The following DMD variants were observed in gnomAD, a reference collection of about 807,000 sequenced individuals.
DMD encodes the protein mutant dystrophin.
DMD carries 63 observed loss-of-function variants against 330.1 expected under a neutral mutation model. That is an observed-to-expected ratio of 0.19 (90% confidence interval 0.16 to 0.24). DMD has a LOEUF of 0.24. Ranked by LOEUF, DMD falls within the 10% of genes least tolerant of loss-of-function variation. The pLI, the probability that DMD is intolerant of heterozygous loss-of-function variation, is 1.00. For synonymous variants in DMD, 1,223 were observed against 959.8 expected, an observed-to-expected ratio of 1.27 and a Z score of -5.07; for missense variants, 3,344 against 2,684.1, an observed-to-expected ratio of 1.25 and a Z score of -5.43.
intron 50 of DMD, among the ~76,000 whole-genome samples, chrX:31,818,953 A>G (rs2092695258): frequency 9.0e-6 from 1 of 111,253 alleles, no homozygotes. Context: ...CTTGACATAA[A>G]ATAAAAATCA....
intron 44 of DMD, among the ~76,000 whole-genome samples, chrX:32,176,879 T>C (rs1439748726): frequency 9.0e-6 from 1 of 111,716 alleles, no homozygotes. Context: ...ACGTTTACTC[T>C]CTTTCTCTGC....
Position 32,287,535 on chromosome X carries a change from C to T in DMD, c.6284G>A (p.Arg2095Gln). 1 of 1,209,446 alleles carries T rather than the reference C, an allele frequency of 8.3e-7. No homozygotes were observed. ...AAATATATGTGTTACCTACCCTTGT[C>T]GGTCCTTGTACATTTTGTTAACTTT... ...WEKVNKMYKD[R>Q]QGRFDRSVEK... Residue 2095 changes from arginine (R) to glutamine (Q), a missense_variant, in exon 43 of 79, where the codon CGA becomes CAA. Coordinates refer to ENST00000357033, the MANE Select transcript of DMD (RefSeq NM_004006.3).
At chrX:33,235,645 A>T (rs909723450) in intron 1 of DMD, among the ~76,000 whole-genome samples, 3 of 110,691 alleles carry the variant, frequency 2.7e-5, no homozygotes, top group Non-Finnish European at 3.8e-5. Flanking sequence ...TAGATGTCAC[A>T]ATCGAGTCTC....
chrX:31,440,246 C>A lies in DMD; in HGVS notation c.9084+4235G>T, dbSNP rs1370919623. On this transcript the variant is annotated intron_variant, in intron 60 of 78. Coordinates refer to ENST00000357033, the MANE Select transcript of DMD (RefSeq NM_004006.3). Reference sequence around the variant, plus strand: ...TACTGCAACATCCGCCTCCCGGGTTCAAGCGATTCTCCTGCCTCAGCTTCC... The same window carrying A: ...TACTGCAACATCCGCCTCCCGGGTTAAAGCGATTCTCCTGCCTCAGCTTCC... Among the ~76,000 whole-genome samples the A allele has an allele frequency of 2.8e-5, 3 of 108,452 alleles. No individual in the cohort carries two copies. In the Admixed American group the frequency reaches 3.0e-4, roughly 11 times the overall value. 94.2% of individuals were successfully genotyped at this position (108,452 alleles called of 115,157 possible).
chrX:32,307,421 C>G (rs1336416797), intron 42 of DMD, among the ~76,000 whole-genome samples: 1 of 111,463 alleles, frequency 9.0e-6, no homozygotes, highest in East Asian at 2.8e-4. Flanking sequence ...ACTTTAACTA[C>G]CTGACACTCA....
intron 60 of DMD, among the ~76,000 whole-genome samples, chrX:31,413,851 T>A (rs1469804747): frequency 9.5e-6 from 1 of 105,054 alleles, no homozygotes; most frequent in Non-Finnish European, 1.9e-5. Flanking sequence ...AAAAGCCAGT[T>A]AAGTTGGCAA....
At chrX:32,820,311 G>A (rs189238467) in intron 5 of DMD, among the ~76,000 whole-genome samples, 1,122 of 110,914 alleles carry the variant, frequency 0.01, 6 homozygotes, top group Non-Finnish European at 0.013. Context: ...GCGTGGTGGC[G>A]GGCGCCTGTA....
intron 62 of DMD, among the ~76,000 whole-genome samples, chrX:31,297,189 G>A (rs1224101082): frequency 9.0e-6 from 1 of 111,020 alleles, no homozygotes; most frequent in Non-Finnish European, 1.9e-5. Context: ...ACCTGTATCA[G>A]TTTATACACC....
chrX:32,475,495 G>C (rs1248814112), intron 21 of DMD, among the ~76,000 whole-genome samples: 1 of 111,889 alleles, frequency 8.9e-6, no homozygotes, highest in African/African-American at 3.2e-5. Context: ...ACTATGGGAT[G>C]TGTTTTCATT....
intron 1 of DMD, among the ~76,000 whole-genome samples, chrX:33,150,475 G>A (rs149497272): frequency 5.5e-5 from 6 of 109,169 alleles, no homozygotes; most frequent in Admixed American, 1.0e-4. Context: ...TGTATGTTTA[G>A]TAGAGTTGGG....
rs1311941125 is a variant in DMD, at chrX:33,009,202, GTA to G, written c.93+10935_93+10936del. ...TATATACGTATATATGTATATATGTGTATATATACACATATGTGCATATATGT... is the reference window on the plus strand; with the variant it reads ...TATATACGTATATATGTATATATGTGTATATACACATATGTGCATATATGT... On this transcript the variant is annotated intron_variant, in intron 2 of 78. Coordinates refer to ENST00000357033, the MANE Select transcript of DMD (RefSeq NM_004006.3). 4.0e-5 allele frequency among the ~76,000 whole-genome samples: 2 copies of G among 50,593 alleles called. 1 individual carries two copies. Among genetic ancestry groups the G allele is most frequent in the African/African-American group, 1.6e-4 (2 of 12,359 alleles). 43.9% of individuals were successfully genotyped at this position (50,593 alleles called of 115,157 possible). A position where few individuals can be genotyped will look rare whatever the true frequency, so the allele number is the denominator to read the frequency against.
chrX:31,298,912 C>T (rs772615822), intron 62 of DMD, among the ~76,000 whole-genome samples: 166 of 112,312 alleles, frequency 1.5e-3, no homozygotes, highest in African/African-American at 5.1e-3. Context: ...ACACAAGGAA[C>T]ATAAATATCT....
chrX:32,123,228 TATATATATATATATAA>T (rs1388739791), intron 44 of DMD, among the ~76,000 whole-genome samples: 1 of 87,576 alleles, frequency 1.1e-5, no homozygotes, highest in African/African-American at 4.3e-5. Flanking sequence ...TATATATATA[TATATATATATATATAA>T]ATGATCAAAA....
intron 44 of DMD, among the ~76,000 whole-genome samples, chrX:31,991,204 G>A (rs1030000686): frequency 2.7e-5 from 3 of 111,184 alleles, no homozygotes; most frequent in Admixed American, 9.6e-5. Context: ...AAATAGAGGG[G>A]ATCTACTACA....
chrX:31,299,256 G>A (rs767740732), intron 62 of DMD, among the ~76,000 whole-genome samples: 1 of 111,964 alleles, frequency 8.9e-6, no homozygotes, highest in African/African-American at 3.2e-5. Flanking sequence ...TACTACGGAT[G>A]AGGATTTGGT....
chrX:32,840,780 T>C (rs1372078568), intron 4 of DMD, among the ~76,000 whole-genome samples: 1 of 112,391 alleles, frequency 8.9e-6, no homozygotes, highest in Non-Finnish European at 1.9e-5. Flanking sequence ...TTTTCATTGC[T>C]CTGTAATATC....
intron 71 of DMD, among the ~76,000 whole-genome samples, chrX:31,177,161 T>C (rs1383267799): frequency 9.0e-6 from 1 of 111,381 alleles, no homozygotes; most frequent in Non-Finnish European, 1.9e-5. Flanking sequence ...TTTGCTAATA[T>C]AGAAATCACA....
At chrX:31,257,787 A>G (rs772198304) in intron 63 of DMD, among the ~76,000 whole-genome samples, 3 of 112,144 alleles carry the variant, frequency 2.7e-5, no homozygotes, top group African/African-American at 9.7e-5. Context: ...CCTAGTAAAA[A>G]TACAAAAATT....
intron 9 of DMD, among the ~76,000 whole-genome samples, chrX:32,654,383 C>T (rs189067830): frequency 7.2e-5 from 8 of 111,533 alleles, no homozygotes; most frequent in African/African-American, 2.6e-4. Flanking sequence ...TTGTCAAAGG[C>T]CTTTTCTGCA....
Sources: allele counts gnomAD v4.1 joint callset (sites outside exome capture counted in the v4.1 genomes callset), GRCh38; gene constraint gnomAD v4.1.1; transcripts MANE v1.5; gene names NCBI Gene and HGNC (gene_info 2026-07-23, HGNC 2026-07-21).